The following HIPK2 variants were observed in gnomAD, a reference collection of about 807,000 sequenced individuals.
The protein encoded by HIPK2 is homeodomain interacting protein kinase 2, also known as homeodomain-interacting protein kinase 2.
Under a neutral mutation model 113.7 loss-of-function variants are expected in HIPK2, and 27 were observed. That is an observed-to-expected ratio of 0.24 (90% CI 0.17 to 0.33). The LOEUF is 0.33. Among genes scored for constraint, HIPK2 ranks in the 10% least tolerant of loss-of-function variants. HIPK2 has a pLI of 1.00. For synonymous variants in HIPK2, 631 were observed against 642.2 expected (o/e 0.98, Z 0.26); for missense variants, 1,257 against 1,588.0 (o/e 0.79, Z 3.54).
At position 139,626,568 on chromosome 7, in the gene HIPK2, T is replaced by G. The variant is rs748929066; in HGVS notation, c.1619+33A>C. 3 of 1,596,696 alleles carry G rather than the reference T, an allele frequency of 1.9e-6. No homozygotes were observed. The African/African-American group carries it at 4.0e-5, about 21-fold the overall frequency. On this transcript the variant is annotated intron_variant, in intron 6 of 14. Coordinates refer to ENST00000406875, the MANE Select transcript of HIPK2 (RefSeq NM_022740.5). ...TGTCTGGGCCTTTAAAGTTTGCCGA[T>G]CCCTGGTACGAAGCATCAGGCAGGA...
Position 139,568,110 on chromosome 7 carries a change from G to C in HIPK2, c.*4817C>G, listed in dbSNP as rs1028582561. ...TGCCATTCCCAAGGTCCAACCAAGG[G>C]AAATCGTTCTGTCAGCAGTTGGGCT... On this transcript the variant is annotated 3_prime_UTR_variant, in exon 15 of 15. Coordinates refer to ENST00000406875, the MANE Select transcript of HIPK2 (RefSeq NM_022740.5). 6.6e-6 allele frequency: 1 copy of C among 152,296 alleles called. No homozygotes were observed. The highest frequency in any genetic ancestry group is 2.4e-5 in the African/African-American group (1 of 41,420). 9.4% of individuals were successfully genotyped at this position (152,296 alleles called of 1,614,324 possible). A position where few individuals can be genotyped will look rare whatever the true frequency, so the allele number is the denominator to read the frequency against.
At chr7:139,677,018 C>T (rs1220870200) in intron 2 of HIPK2, among the ~76,000 whole-genome samples, 2 of 152,006 alleles carry the variant, frequency 1.3e-5, no homozygotes, top group African/African-American at 2.4e-5. Flanking sequence ...TGCACCACCA[C>T]ACCTGGCTAA....
At chr7:139,576,540 C>A (rs1798497827) in intron 13 of HIPK2, among the ~76,000 whole-genome samples, 1 of 152,178 alleles carries the variant, frequency 6.6e-6, no homozygotes, top group Admixed American at 6.5e-5. Context: ...CCAGGGGAGC[C>A]AGGAGCCTCT....
At chr7:139,707,593 G>A (rs1294307238) in intron 2 of HIPK2, among the ~76,000 whole-genome samples, 1 of 152,254 alleles carries the variant, frequency 6.6e-6, no homozygotes, top group Non-Finnish European at 1.5e-5. Flanking sequence ...GGCCAGGACA[G>A]TGGGGGCTGG....
intron 1 of HIPK2, among the ~76,000 whole-genome samples, chr7:139,733,187 G>A (rs1795845126): frequency 6.6e-6 from 1 of 152,094 alleles, no homozygotes; most frequent in Non-Finnish European, 1.5e-5. Flanking sequence ...CATGCTTCTT[G>A]TACAGCCTGC....
rs1799222086 is a variant in HIPK2 at position 139,596,619 on chromosome 7, G to GA, written c.2717+97dup. The GA allele has an allele frequency of 4.0e-6, 6 of 1,486,302 alleles. No individual in the cohort carries two copies. In the Admixed American group the frequency reaches 1.1e-4, roughly 26 times the overall value. 92.1% of individuals were successfully genotyped at this position (1,486,302 alleles called of 1,614,324 possible). A position where few individuals can be genotyped will look rare whatever the true frequency, so the allele number is the denominator to read the frequency against. Reference sequence around the variant, plus strand: ...AAACCAAACTGTAAGGGTCAGAAGAGAGGGATCCTTATGTTTGATGATGGA... The same window carrying GA: ...AAACCAAACTGTAAGGGTCAGAAGAGAAGGGATCCTTATGTTTGATGATGGA... On this transcript the variant is annotated intron_variant, in intron 12 of 14. Transcript: ENST00000406875.
At chr7:139,585,751 T>C (rs752546222) in intron 12 of HIPK2, among the ~76,000 whole-genome samples, 36 of 152,368 alleles carry the variant, frequency 2.4e-4, no homozygotes, top group Non-Finnish European at 3.4e-4. Context: ...TTACAAGTTG[T>C]GTTACCTTAG....
intron 2 of HIPK2, among the ~76,000 whole-genome samples, chr7:139,645,352 A>G (rs914860344): frequency 6.6e-6 from 1 of 152,202 alleles, no homozygotes; most frequent in Admixed American, 6.5e-5. Flanking sequence ...AGACATACCA[A>G]TTAAGAGAAC....
In HIPK2 at chr7:139,745,142, C is replaced by T. The variant is rs149318653; in HGVS notation, c.20-28127G>A. On this transcript the variant is annotated intron_variant, in intron 1 of 14. Transcript: ENST00000406875. ...CACCCGGTTGGGGCATGCAGGTCAA[C>T]AGGCATTCACCAACCTTCAAACATG... 6.3e-3 allele frequency among the ~76,000 whole-genome samples: 953 copies of T among 152,330 alleles called. 11 individuals carry two copies. Among genetic ancestry groups the T allele is most frequent in the African/African-American group, 0.021 (855 of 41,560 alleles).
intron 1 of HIPK2, among the ~76,000 whole-genome samples, chr7:139,729,441 G>A (rs1795703879): frequency 6.6e-6 from 1 of 152,074 alleles, no homozygotes; most frequent in Admixed American, 6.6e-5. Context: ...GATTCTGTGT[G>A]TGTCTGAGGC....
chr7:139,747,377 GTTGGGACTAGCGGCCCCT>G (rs1796206910), intron 1 of HIPK2, among the ~76,000 whole-genome samples: 1 of 152,116 alleles, frequency 6.6e-6, no homozygotes, highest in African/African-American at 2.4e-5. Flanking sequence ...CCTTCCTAGC[GTTGGGACTAGCGGCCCCT>G]CTGGGTACAT....
At chr7:139,756,217 G>C (rs1450972052) in intron 1 of HIPK2, among the ~76,000 whole-genome samples, 3 of 152,228 alleles carry the variant, frequency 2.0e-5, no homozygotes, top group East Asian at 1.9e-4. Flanking sequence ...TCCTTGGATA[G>C]TGTCCAAAAG....
chr7:139,642,316 G>C (rs1585316122), intron 2 of HIPK2, among the ~76,000 whole-genome samples: 1 of 152,360 alleles, frequency 6.6e-6, no homozygotes, highest in East Asian at 1.9e-4. Context: ...AGGGATTACA[G>C]TGAAGCAGCA....
intron 7 of HIPK2, among the ~76,000 whole-genome samples, chr7:139,617,768 T>C (rs1316630846): frequency 6.6e-6 from 1 of 152,230 alleles, no homozygotes; most frequent in Non-Finnish European, 1.5e-5. Context: ...ACTGGATATA[T>C]GTTAAAGGTA....
chr7:139,672,023 T>A (rs1003011914), intron 2 of HIPK2, among the ~76,000 whole-genome samples: 1 of 152,230 alleles, frequency 6.6e-6, no homozygotes, highest in Non-Finnish European at 1.5e-5. Context: ...TAACATTATA[T>A]GATTCTAGAT....
chr7:139,572,910 T>TCCC lies in HIPK2; in HGVS notation c.*14_*16dup. 2 of 217,222 alleles carry TCCC rather than the reference T, an allele frequency of 9.2e-6. No homozygotes were observed. The highest frequency in any genetic ancestry group is 8.9e-6 in the Non-Finnish European group (1 of 112,460). 13.5% of individuals were successfully genotyped at this position (217,222 alleles called of 1,614,324 possible). Reference sequence around the variant, plus strand: ...GCCATTCTCTCCCTCCCTCCCTCCCTCCCTCCCCTCCAGTGTTTATATGTA... The same window carrying TCCC: ...GCCATTCTCTCCCTCCCTCCCTCCCTCCCCCCTCCCCTCCAGTGTTTATATGTA... On this transcript the variant is annotated 3_prime_UTR_variant, in exon 15 of 15. Transcript: ENST00000406875.
Position 139,600,547 on chromosome 7 carries a change from C to A in HIPK2, c.2305G>T (p.Ala769Ser). 1 of 1,613,980 alleles carries A rather than the reference C, an allele frequency of 6.2e-7. No individual in the cohort carries two copies. Among genetic ancestry groups the A allele is most frequent in the South Asian group, 1.1e-5 (1 of 91,078 alleles). The change falls in exon 11 of 15, where the codon GCA (alanine) becomes TCA (serine). Residue 769 changes from alanine to serine, a missense_variant. Coordinates refer to ENST00000406875, the MANE Select transcript of HIPK2 (RefSeq NM_022740.5). ...AGGGTCACATGACCGGTCAATAGTG[C>A]AGGCTGCTGCATGATGGGATTATAA... ...SHYNPIMQQP[A>S]LLTGHVTLPA...
intron 2 of HIPK2, among the ~76,000 whole-genome samples, chr7:139,677,094 C>G (rs988859596): frequency 3.9e-5 from 6 of 152,102 alleles, no homozygotes; most frequent in Admixed American, 3.9e-4. Flanking sequence ...CTCCTGACCT[C>G]AGGTGATCCA....
chr7:139,689,725 G>A (rs775484850), intron 2 of HIPK2, among the ~76,000 whole-genome samples: 7 of 152,296 alleles, frequency 4.6e-5, no homozygotes, highest in African/African-American at 1.7e-4. Context: ...ACATGTAATC[G>A]TGTGGCTCAG....
Sources: allele counts gnomAD v4.1 joint callset (sites outside exome capture counted in the v4.1 genomes callset), GRCh38; gene constraint gnomAD v4.1.1; transcripts MANE v1.5; gene names NCBI Gene and HGNC (gene_info 2026-07-23, HGNC 2026-07-21).